NSMAF: variants seen among roughly 807,000 people sequenced by gnomAD.
NSMAF encodes the protein neutral sphingomyelinase activation associated factor.
NSMAF carries 90 observed loss-of-function variants against 134.9 expected under a neutral mutation model. The ratio of observed to expected loss-of-function variants is 0.67; its 90% CI spans 0.56 to 0.79. The LOEUF is 0.79. NSMAF is among the 30% of genes least tolerant of loss of function. The pLI, the probability that NSMAF is intolerant of heterozygous loss-of-function variation, is 0.00. For missense variants in NSMAF, 1,010 were observed against 1,119.0 expected, an observed-to-expected ratio of 0.90 and a Z score of 1.39; for synonymous variants, 358 against 389.6, an observed-to-expected ratio of 0.92 and a Z score of 0.96.
intron 6 of NSMAF, 176 bp downstream of exon 6, chr8:58,631,320 T>C (rs1807053009): frequency 2.6e-6 from 1 of 390,744 alleles, no homozygotes; most frequent in Admixed American, 4.7e-5. Flanking sequence ...GTTAATTGAA[T>C]TCTCTTGAAA....
At position 58,607,751 on chromosome 8, in the gene NSMAF, A is replaced by C. The variant is rs59269342; in HGVS notation, c.759+18T>G. On this transcript the variant is annotated intron_variant, in intron 11 of 30. Transcript: ENST00000038176. ...AAGTGTGACAATCATGCCCCAGCAC[A>C]GCCTCCCAAGGACTCACCAGAGGCA... The C allele has an allele frequency of 0.022, 35,260 of 1,603,310 alleles. 1,697 individuals are homozygous for C. The highest frequency in any genetic ancestry group is 0.2 in the African/African-American group (14,778 of 74,642).
At chr8:58,596,060 C>G (rs1002563114) in intron 21 of NSMAF, among the ~76,000 whole-genome samples, 7 of 152,128 alleles carry the variant, frequency 4.6e-5, no homozygotes, top group African/African-American at 1.7e-4. Context: ...AATCAATTAC[C>G]GCAAGGGCTT....
chr8:58,616,035 G>T (rs556454983), intron 9 of NSMAF, among the ~76,000 whole-genome samples: 2 of 152,208 alleles, frequency 1.3e-5, no homozygotes, highest in African/African-American at 4.8e-5. Context: ...CAATACGTCT[G>T]ACAATTTAGA....
intron 1 of NSMAF, among the ~76,000 whole-genome samples, chr8:58,652,415 G>A (rs1807606187): frequency 6.6e-6 from 1 of 152,180 alleles, no homozygotes; most frequent in Admixed American, 6.5e-5. Context: ...AAAAAGGCTG[G>A]TGTTTCCCCA....
At chr8:58,653,738 A>G (rs1807638623) in intron 1 of NSMAF, among the ~76,000 whole-genome samples, 1 of 152,210 alleles carries the variant, frequency 6.6e-6, no homozygotes, top group South Asian at 2.1e-4. Flanking sequence ...TGGTTAAAAG[A>G]TGAAATGACA....
At chr8:58,598,543 C>A (rs1424346384) in intron 19 of NSMAF, among the ~76,000 whole-genome samples, 2 of 147,242 alleles carry the variant, frequency 1.4e-5, no homozygotes, top group African/African-American at 2.5e-5. Context: ...GGAAAAGAAA[C>A]TCTGGGTCTT....
chr8:58,639,964 T>C (rs1023784732), intron 2 of NSMAF: 2 of 396,438 alleles, frequency 5.0e-6, no homozygotes, highest in Non-Finnish European at 1.0e-5. Context: ...AGAATGGAAC[T>C]TACGAAAATT....
chr8:58,599,336 T>C lies in NSMAF; in HGVS notation c.1481A>G (p.Lys494Arg). The C allele has an allele frequency of 6.2e-7, 1 of 1,614,108 alleles. No individual in the cohort carries two copies. The highest frequency in any genetic ancestry group is 2.2e-5 in the East Asian group (1 of 44,868). The stretch of plus-strand genomic sequence containing the variant: ...CACATAATTGCTTTCCAATGCATCT[T>C]TGCTCTTCTGGAGAAAGTCCTCGGG... ...SSPEDFLQKS[K>R]DALESNYVSE... is the part of the protein sequence containing the mutation. Residue 494 changes from lysine to arginine, a missense_variant, in exon 19 of 31, where the codon AAA becomes AGA. Coordinates refer to ENST00000038176, the MANE Select transcript of NSMAF (RefSeq NM_003580.4).
intron 23 of NSMAF, 104 bp downstream of exon 23, chr8:58,594,128 G>C (rs941166505): frequency 1.5e-5 from 13 of 890,930 alleles, no homozygotes; most frequent in South Asian, 4.3e-5. Context: ...TACTTTATGT[G>C]GAGGCAGCAC....
chr8:58,629,298 C>T (rs1268259806), intron 6 of NSMAF, among the ~76,000 whole-genome samples: 1 of 152,018 alleles, frequency 6.6e-6, no homozygotes, highest in East Asian at 1.9e-4. Context: ...ATTTTTTCTT[C>T]TGATTTATAG....
chr8:58,601,310 C>T lies in NSMAF; in HGVS notation c.1255G>A (p.Asp419Asn). The T allele has an allele frequency of 6.2e-7, 1 of 1,613,838 alleles. No individual in the cohort carries two copies. Among genetic ancestry groups the T allele is most frequent in the Non-Finnish European group, 8.5e-7 (1 of 1,179,860 alleles). The change falls in exon 16 of 31, where the codon GAT (aspartate) becomes AAT (asparagine). Residue 419 changes from aspartate (D) to asparagine (N), a missense_variant. By Grantham distance (23) the Asp-to-Asn change is conservative. Coordinates refer to ENST00000038176, the MANE Select transcript of NSMAF (RefSeq NM_003580.4). ...YMLCLQNGRF[D>N]NADRMFNSIA... is the part of the protein sequence containing the mutation. ...CTGTTGAACATTCTATCTGCATTAT[C>T]AAATCTTCCATTCTGCAGGCACAGC...
At chr8:58,585,626 TCA>T (rs1314994277) in intron 30 of NSMAF, 24 bp downstream of exon 30, 1 of 1,506,122 alleles carries the variant, frequency 6.6e-7, no homozygotes. Flanking sequence ...AGAACAAAGA[TCA>T]AGGCAACTGC....
At chr8:58,597,594 A>G (rs1031408597) in intron 20 of NSMAF, 44 bp from the exon 21 acceptor site, 1 of 1,583,736 alleles carries the variant, frequency 6.3e-7, no homozygotes, top group African/African-American at 1.3e-5. Context: ...ACTAGGTTCG[A>G]GTTCCTTGAA....
intron 11 of NSMAF, 101 bp downstream of exon 11, chr8:58,607,668 C>T (rs909190932): frequency 2.3e-5 from 20 of 880,388 alleles, no homozygotes; most frequent in Middle Eastern, 2.2e-4. Flanking sequence ...GGACAGTGTA[C>T]TTGTACTTTC....
intron 9 of NSMAF, among the ~76,000 whole-genome samples, chr8:58,610,112 T>C (rs1045497090): frequency 2.0e-5 from 3 of 152,218 alleles, no homozygotes; most frequent in Admixed American, 2.0e-4. Context: ...TTGACACAAG[T>C]GGCATTTATT....
rs746261462 is a variant in NSMAF, at chr8:58,635,512, ATTTTGAACATATT to A, written c.171_183del (p.Lys57AsnfsTer3). On this transcript the variant is annotated frameshift_variant, in exon 3 of 31. Coordinates refer to ENST00000038176, the MANE Select transcript of NSMAF (RefSeq NM_003580.4). LOFTEE classifies it high-confidence loss of function. ...ATTGAATCTGGTTCAAAAATCACCG[ATTTTGAACATATT>A]TTTAAGGAGCCTCTGATTTTCCTAG... 8.7e-6 allele frequency: 14 copies of A among 1,605,832 alleles called. No individual in the cohort carries two copies. Among genetic ancestry groups the A allele is most frequent in the Non-Finnish European group, 1.2e-5 (14 of 1,177,150 alleles).
intron 23 of NSMAF, among the ~76,000 whole-genome samples, chr8:58,592,682 G>A (rs1351027449): frequency 4.6e-5 from 7 of 152,190 alleles, no homozygotes; most frequent in Non-Finnish European, 7.3e-5. Context: ...GAGGTCAGGA[G>A]TTCAAGACCA....
chr8:58,603,906 A>G (rs1806343368), intron 12 of NSMAF, among the ~76,000 whole-genome samples: 1 of 152,216 alleles, frequency 6.6e-6, no homozygotes, highest in Admixed American at 6.5e-5. Flanking sequence ...AGAAATTGTT[A>G]AAGAAGAAAA....
At chr8:58,595,353 C>T (rs372585166) in intron 22 of NSMAF, among the ~76,000 whole-genome samples, 1 of 152,126 alleles carries the variant, frequency 6.6e-6, no homozygotes, top group Non-Finnish European at 1.5e-5. Context: ...ACGGTAGCCA[C>T]CACAAATCAT....
Sources: allele counts gnomAD v4.1 joint callset (sites outside exome capture counted in the v4.1 genomes callset), GRCh38; gene constraint gnomAD v4.1.1; transcripts MANE v1.5; gene names NCBI Gene and HGNC (gene_info 2026-07-23, HGNC 2026-07-21).